The following LRRC69 variants were observed in gnomAD, a reference collection of about 807,000 sequenced individuals.
LRRC69 encodes the protein leucine rich repeat containing 69, also known as leucine-rich repeat-containing protein 69.
In LRRC69, 42 loss-of-function variants were observed where a neutral mutation model predicts 37.8. The observed-to-expected ratio is 1.11, with a 90% CI of 0.87 to 1.44. The LOEUF is 1.44. Ranked by LOEUF, LRRC69 falls within the 40% of genes most tolerant of loss-of-function variation. The pLI is 0.00. For missense variants in LRRC69, 357 were observed against 401.9 expected (o/e 0.89, Z 0.96); for synonymous variants, 141 against 143.1 (o/e 0.99, Z 0.11).
intron 7 of LRRC69, among the ~76,000 whole-genome samples, chr8:91,204,897 G>T (rs1249853734): frequency 6.6e-6 from 1 of 152,094 alleles, no homozygotes; most frequent in African/African-American, 2.4e-5. Context: ...CAACTTTTTA[G>T]TTTGAGAAAT....
chr8:91,208,547 T>C (rs1226523814), intron 7 of LRRC69, among the ~76,000 whole-genome samples: 1 of 152,168 alleles, frequency 6.6e-6, no homozygotes, highest in African/African-American at 2.4e-5. Flanking sequence ...CTTTCTTGCT[T>C]TTTCTTCCAC....
At chr8:91,210,804 A>G (rs970536169) in intron 7 of LRRC69, among the ~76,000 whole-genome samples, 3 of 132,662 alleles carry the variant, frequency 2.3e-5, no homozygotes, top group Non-Finnish European at 5.0e-5. Context: ...GAAACCCATT[A>G]GCTAGGATCT....
At chr8:91,173,693 C>T (rs1809173198) in intron 5 of LRRC69, among the ~76,000 whole-genome samples, 1 of 152,042 alleles carries the variant, frequency 6.6e-6, no homozygotes, top group Non-Finnish European at 1.5e-5. Context: ...TGTTCAAGAT[C>T]AAGATGCCAG....
rs575947066 is a variant in LRRC69 at position 91,141,581 on chromosome 8, A to G, written c.651+5842A>G. ...TTACTGAGTACCTTCTCTGTTGCCA[A>G]GCTCTCTTCTAATCTGGGGAAGTAA... On this transcript the variant is annotated intron_variant, in intron 5 of 7. Transcript: ENST00000448384. Among the ~76,000 whole-genome samples the G allele has an allele frequency of 9.2e-5, 14 of 152,212 alleles. No homozygotes were observed. The South Asian group carries it at 2.9e-3, about 32-fold the overall frequency.
intron 5 of LRRC69, among the ~76,000 whole-genome samples, chr8:91,143,738 A>G (rs1338424520): frequency 6.6e-6 from 1 of 152,006 alleles, no homozygotes; most frequent in Non-Finnish European, 1.5e-5. Context: ...CATAAATAAA[A>G]TTTGAGAATA....
In LRRC69 at chr8:91,133,176, T is replaced by A. The variant is rs1563599233; in HGVS notation, c.450T>A (p.Cys150Ter). The change falls in exon 4 of 8, where the codon TGT (cysteine) becomes TGA (stop). Residue 150 changes from cysteine to a stop codon, truncating the protein, a stop_gained. Coordinates refer to ENST00000448384, the Ensembl canonical transcript of LRRC69. LOFTEE classifies it high-confidence loss of function. ...TAGCCAGCATTCCTAGAGAACTTTG[T>A]TTTCTTGAGAATCTTGTTGAACTTC... 4 of 1,544,536 alleles carry A rather than the reference T, an allele frequency of 2.6e-6. No homozygotes were observed. The highest frequency in any genetic ancestry group is 3.5e-6 in the Non-Finnish European group (4 of 1,145,124).
intron 5 of LRRC69, among the ~76,000 whole-genome samples, chr8:91,143,209 T>G (rs1049320736): frequency 1.3e-5 from 2 of 152,026 alleles, no homozygotes; most frequent in African/African-American, 4.8e-5. Context: ...TTGGAGAAAT[T>G]TGGGGAAGGC....
At chr8:91,138,960 G>T (rs1808475668) in intron 5 of LRRC69, 1 of 151,140 alleles carries the variant, frequency 6.6e-6, no homozygotes, top group Non-Finnish European at 1.5e-5. Context: ...AGTTACTTGA[G>T]GTGAAAGTAT....
chr8:91,189,021 T>A (rs1329566760), intron 5 of LRRC69, among the ~76,000 whole-genome samples: 1 of 152,134 alleles, frequency 6.6e-6, no homozygotes, highest in South Asian at 2.1e-4. Flanking sequence ...ATTTTCTTGG[T>A]CCCTAATAAG....
rs542338951 is a variant in LRRC69, at chr8:91,207,946, G to A, written c.933+7154G>A. ...GAAGTCTGAGAGCAAGGTGCCAGGA[G>A]GGGTTGGCTTCTCCTGCAGCCTCTC... On this transcript the variant is annotated intron_variant, in intron 7 of 7. Transcript: ENST00000448384. Among the ~76,000 whole-genome samples the A allele has an allele frequency of 6.6e-5, 10 of 152,298 alleles. No homozygotes were observed. The South Asian group carries it at 2.1e-3, about 32-fold the overall frequency.
intron 5 of LRRC69, among the ~76,000 whole-genome samples, chr8:91,178,282 C>G (rs1345946682): frequency 1.3e-5 from 2 of 152,198 alleles, no homozygotes; most frequent in Non-Finnish European, 2.9e-5. Flanking sequence ...TATTTCATTT[C>G]TGTTTGCAAC....
intron 1 of LRRC69, among the ~76,000 whole-genome samples, chr8:91,114,707 G>A (rs1253673730): frequency 6.6e-6 from 1 of 151,946 alleles, no homozygotes; most frequent in Non-Finnish European, 1.5e-5. Flanking sequence ...ACATAGCATA[G>A]TAGGCTTATA....
At chr8:91,208,023 T>C (rs961011623) in intron 7 of LRRC69, among the ~76,000 whole-genome samples, 3 of 152,200 alleles carry the variant, frequency 2.0e-5, no homozygotes, top group Admixed American at 2.0e-4. Context: ...ATGGTCTTCC[T>C]TTGGTACATG....
intron 6 of LRRC69, among the ~76,000 whole-genome samples, chr8:91,197,094 C>T (rs980965704): frequency 2.6e-5 from 4 of 151,802 alleles, no homozygotes; most frequent in Non-Finnish European, 5.9e-5. Context: ...TGTTGGAGTA[C>T]CCTGCGGTGT....
rs1447192086 is a variant in LRRC69 at position 91,140,878 on chromosome 8, C to T, written c.651+5139C>T. Among the ~76,000 whole-genome samples, 2 of 18,600 alleles carry T rather than the reference C, an allele frequency of 1.1e-4. 1 individual carries two copies. Among genetic ancestry groups the T allele is most frequent in the Non-Finnish European group, 2.6e-4 (2 of 7,572 alleles). 12.2% of individuals were successfully genotyped at this position (18,600 alleles called of 152,430 possible). On this transcript the variant is annotated intron_variant, in intron 5 of 7. Transcript: ENST00000448384. ...CCGTTTTAGCCGGGATGGTCTCGAT[C>T]TCCTGACCTCGTGATCCGCCCGCCT...
At chr8:91,187,593 T>C (rs796387115) in intron 5 of LRRC69, among the ~76,000 whole-genome samples, 7 of 152,298 alleles carry the variant, frequency 4.6e-5, no homozygotes, top group African/African-American at 1.7e-4. Context: ...TTCTGTATAA[T>C]ATATTTCTGT....
Position 91,158,252 on chromosome 8 carries a change from A to T in LRRC69, c.651+22513A>T, listed in dbSNP as rs189359158. The T allele has an allele frequency of 8.3e-4, 1,305 of 1,563,066 alleles. 2 individuals carry two copies. Among genetic ancestry groups the T allele is most frequent in the Admixed American group, 9.5e-4 (56 of 59,170 alleles). The stretch of plus-strand genomic sequence containing the variant: ...AGTTAAGGATCTCTACAGTGGATTA[A>T]TTGGCCCCCTGATTGTTTGTCGAAG... On this transcript the variant is annotated intron_variant, in intron 5 of 7. Coordinates refer to ENST00000448384, the Ensembl canonical transcript of LRRC69.
intron 5 of LRRC69, among the ~76,000 whole-genome samples, chr8:91,162,039 A>G (rs1808954261): frequency 6.6e-6 from 1 of 151,350 alleles, no homozygotes; most frequent in Non-Finnish European, 1.5e-5. Flanking sequence ...GCACATTGTT[A>G]CACTTTTATG....
At chr8:91,161,062 C>A (rs1808934974) in intron 5 of LRRC69, among the ~76,000 whole-genome samples, 1 of 151,162 alleles carries the variant, frequency 6.6e-6, no homozygotes, top group African/African-American at 2.4e-5. Context: ...CATATGATTT[C>A]TACCCTTCAT....
Sources: allele counts gnomAD v4.1 joint callset (sites outside exome capture counted in the v4.1 genomes callset), GRCh38; gene constraint gnomAD v4.1.1; transcripts MANE v1.5; gene names NCBI Gene and HGNC (gene_info 2026-07-23, HGNC 2026-07-21).